ARHGAP32: variants seen among roughly 807,000 people sequenced by gnomAD.
ARHGAP32 encodes the protein Rho GTPase activating protein 32.
A neutral mutation model predicts 186.5 loss-of-function variants in ARHGAP32; 51 were observed. The observed-to-expected ratio is 0.27, with a 90% confidence interval of 0.22 to 0.35. The LOEUF (loss-of-function observed/expected upper bound fraction) is 0.35. ARHGAP32 is among the 10% of genes least tolerant of loss of function. The probability of loss-of-function intolerance (pLI) is 1.00; values close to 1 mark genes in which losing one functional copy is unlikely to be tolerated. For synonymous variants in ARHGAP32, 950 were observed against 964.3 expected, an observed-to-expected ratio of 0.99 and a Z score of 0.27; for missense variants, 2,186 against 2,623.5, an observed-to-expected ratio of 0.83 and a Z score of 3.64.
chr11:129,094,888 T>A (rs577980826), intron 5 of ARHGAP32, among the ~76,000 whole-genome samples: 2 of 152,304 alleles, frequency 1.3e-5, no homozygotes, highest in South Asian at 4.1e-4. Context: ...GATATAATAT[T>A]ATGTATTCTC....
At chr11:129,096,520 C>A (rs915263239) in intron 5 of ARHGAP32, among the ~76,000 whole-genome samples, 4 of 149,564 alleles carry the variant, frequency 2.7e-5, no homozygotes, top group Middle Eastern at 3.4e-3. Flanking sequence ...GCTCCCTATA[C>A]CCCCCCGGCC....
intron 12 of ARHGAP32, 25 bp downstream of exon 12, chr11:128,998,294 A>G (rs756366181): frequency 6.6e-7 from 1 of 1,524,620 alleles, no homozygotes; most frequent in South Asian, 1.4e-5. Flanking sequence ...AACTCAGAGT[A>G]TAAGCTTGCA....
intron 1 of ARHGAP32, among the ~76,000 whole-genome samples, chr11:129,277,700 G>C (rs1355660101): frequency 6.6e-6 from 1 of 152,150 alleles, no homozygotes; most frequent in Non-Finnish European, 1.5e-5. Flanking sequence ...CCTGCTCTAT[G>C]AAGCATCACC....
chr11:129,091,800 C>G (rs657820), intron 6 of ARHGAP32, among the ~76,000 whole-genome samples: 43,810 of 151,782 alleles, frequency 0.29, 6,441 homozygotes, highest in African/African-American at 0.35. Flanking sequence ...GCTTAGGACA[C>G]CAACTTCAGT....
At chr11:129,244,394 A>G (rs1444844321) in intron 1 of ARHGAP32, among the ~76,000 whole-genome samples, 2 of 152,236 alleles carry the variant, frequency 1.3e-5, no homozygotes. Flanking sequence ...TATAACATTC[A>G]GTCAAATAGT....
chr11:129,244,492 AG>A (rs1445453285), intron 1 of ARHGAP32, among the ~76,000 whole-genome samples: 1 of 152,182 alleles, frequency 6.6e-6, no homozygotes, highest in Non-Finnish European at 1.5e-5. Context: ...TAATGTACGA[AG>A]GTAGAAGAAA....
Position 128,969,459 on chromosome 11 carries a change from T to C in ARHGAP32, c.5754A>G (p.Leu1918=), listed in dbSNP as rs1490447678. 6.2e-7 allele frequency: 1 copy of C among 1,614,194 alleles called. No homozygotes were observed. The highest frequency in any genetic ancestry group is 1.7e-5 in the Admixed American group (1 of 60,022). The change falls in exon 23 of 23, where the codon TTA becomes TTG. Residue 1918 remains leucine (L), a synonymous_variant. Transcript: ENST00000682385. This position sits in a 1 kb window ranked among gnomAD's most constrained non-coding sequence, Gnocchi z 4.8. ...CTGGAATCCCTTTGGACCCATAATC[T>C]AACTGGCCAGCTCCCTGGGGATAAG... ...GPPYPQGAGQ[L]DYGSKGIPDT... is the part of the protein sequence containing the mutation.
At chr11:129,271,318 T>C (rs942731341) in intron 1 of ARHGAP32, among the ~76,000 whole-genome samples, 1 of 152,074 alleles carries the variant, frequency 6.6e-6, no homozygotes, top group Non-Finnish European at 1.5e-5. Context: ...GTTCGGTTTA[T>C]ATTATAAAGG....
chr11:129,214,544 T>C lies in ARHGAP32; in HGVS notation c.-4-50117A>G, dbSNP rs1032226985. On this transcript the variant is annotated intron_variant, in intron 1 of 6. Transcript: ENST00000525234. ...GGTCTCACTTTCAGCACAGAGAGAT[T>C]GAGGGGATTCAAAGGGCTTCCAGGA... 2.6e-5 allele frequency among the ~76,000 whole-genome samples: 4 copies of C among 152,094 alleles called. No individual in the cohort carries two copies. In the South Asian group the frequency reaches 8.3e-4, roughly 32 times the overall value.
At chr11:129,249,531 C>T (rs1211836586) in intron 1 of ARHGAP32, among the ~76,000 whole-genome samples, 4 of 152,156 alleles carry the variant, frequency 2.6e-5, no homozygotes, top group Admixed American at 2.0e-4. Flanking sequence ...CTGCTGCTGA[C>T]TCACTGTTAC....
rs758961331 is a variant in ARHGAP32, at chr11:128,969,058, C to T, written c.6155G>A (p.Gly2052Glu). ...DYHSLPQHQR[G>E]VFGGGGMGTY... ...CCCCATGCCGCCCCCTCCAAAGACT[C>T]CTCGCTGGTGCTGAGGCAGGGAGTG... The change falls in exon 23 of 23, where the codon GGA (glycine) becomes GAA (glutamate). Residue 2052 changes from glycine (G) to glutamate (E), a missense_variant. By Grantham distance (98) the Gly-to-Glu change is moderately conservative. Transcript: ENST00000682385. This position sits in a 1 kb window ranked among gnomAD's most constrained non-coding sequence, Gnocchi z 4.8. The T allele has an allele frequency of 1.7e-5, 27 of 1,612,036 alleles. No homozygotes were observed. The highest frequency in any genetic ancestry group is 2.3e-5 in the Non-Finnish European group (27 of 1,178,598).
intron 19 of ARHGAP32, 92 bp downstream of exon 19, chr11:128,978,678 G>A: frequency 1.5e-6 from 2 of 1,315,884 alleles, no homozygotes; most frequent in Non-Finnish European, 2.0e-6. Context: ...ACACGTTATG[G>A]AAGCAGATCA....
intron 11 of ARHGAP32, among the ~76,000 whole-genome samples, chr11:129,017,881 A>T (rs1268186007): frequency 6.6e-6 from 1 of 152,180 alleles, no homozygotes; most frequent in Non-Finnish European, 1.5e-5. Flanking sequence ...AATTGCTAAG[A>T]TATATAAAAG....
chr11:129,058,971 C>T (rs553032733), intron 10 of ARHGAP32, among the ~76,000 whole-genome samples: 1 of 152,330 alleles, frequency 6.6e-6, no homozygotes, highest in African/African-American at 2.4e-5. Context: ...TTAATCATCA[C>T]ACAAAAACAT....
chr11:129,133,238 A>G (rs1358310603), intron 2 of ARHGAP32, among the ~76,000 whole-genome samples: 1 of 152,228 alleles, frequency 6.6e-6, no homozygotes, highest in African/African-American at 2.4e-5. Flanking sequence ...AATTTTTTTA[A>G]AAGACTGACA....
chr11:128,965,724 C>T lies in ARHGAP32; in HGVS notation c.*3183G>A, dbSNP rs987244492. 11 of 152,202 alleles carry T rather than the reference C, an allele frequency of 7.2e-5. No individual in the cohort carries two copies. Among genetic ancestry groups the T allele is most frequent in the African/African-American group, 2.7e-4 (11 of 41,444 alleles). The allele number at this position is 152,202 out of a possible 1,614,324, so 9.4% of individuals were successfully genotyped here. On this transcript the variant is annotated 3_prime_UTR_variant, in exon 23 of 23. Transcript: ENST00000682385. ...CACATTCTGCTCAAGCAGTACTTTG[C>T]CAACATCCTAAATGGGTGACTGACA...
At chr11:128,993,382 C>T (rs1946115802) in intron 12 of ARHGAP32, 1 of 151,880 alleles carries the variant, frequency 6.6e-6, no homozygotes, top group South Asian at 2.1e-4. Context: ...TCAGAAAAAT[C>T]TAGTGCAAGG....
intron 1 of ARHGAP32, among the ~76,000 whole-genome samples, chr11:129,257,785 T>C (rs1565482759): frequency 6.6e-6 from 1 of 150,522 alleles, no homozygotes; most frequent in Non-Finnish European, 1.5e-5. Flanking sequence ...GAATGAACAA[T>C]GAAATCTCAG....
At position 129,093,495 on chromosome 11, in the gene ARHGAP32, G is replaced by A. The variant is rs1941639632; in HGVS notation, c.531+126C>T. The A allele has an allele frequency of 7.3e-6, 5 of 686,656 alleles. No homozygotes were observed. The Admixed American group carries it at 8.3e-5, about 11-fold the overall frequency. 42.5% of individuals were successfully genotyped at this position (686,656 alleles called of 1,614,324 possible). A position where few individuals can be genotyped will look rare whatever the true frequency, so the allele number is the denominator to read the frequency against. ...GTCATTATTGCACAATCTCATTTCA[G>A]TATTATATAAGTATTTTTCTGTGGA... On this transcript the variant is annotated intron_variant, in intron 6 of 22. Coordinates refer to ENST00000682385, the MANE Select transcript of ARHGAP32 (RefSeq NM_001378024.1).
Sources: gnomAD v4.1 joint callset for allele counts (sites outside exome capture counted in the v4.1 genomes callset) on GRCh38, gnomAD v4.1.1 for gene constraint, Gnocchi (gnomAD v3.1) non-coding constraint, MANE v1.5 for transcripts, NCBI Gene and HGNC (gene_info 2026-07-23, HGNC 2026-07-21) for gene names.